The following CHTF8 variants were observed in gnomAD, a reference collection of about 807,000 sequenced individuals.
CHTF8 encodes the protein chromosome transmission fidelity factor 8, also known as chromosome transmission fidelity protein 8 homolog.
CHTF8 carries 6 observed loss-of-function variants against 11.0 expected under a neutral mutation model. The observed-to-expected ratio is 0.55, with a 90% confidence interval of 0.30 to 1.08. The LOEUF is 1.08. Ranked by LOEUF, CHTF8 falls within the 50% of genes least tolerant of loss-of-function variation. The pLI is 0.07. For synonymous variants in CHTF8, 53 were observed against 60.5 expected (o/e 0.88, Z 0.57); for missense variants, 140 against 153.1 (o/e 0.91, Z 0.45).
chr16:69,127,130 C>T (rs1358738830), intron 1 of CHTF8, among the ~76,000 whole-genome samples: 4 of 151,342 alleles, frequency 2.6e-5, no homozygotes, highest in African/African-American at 9.7e-5. Context: ...CCCAGCTACT[C>T]GGGAGGCTGA....
At chr16:69,131,626 A>C in intron 1 of CHTF8, among the ~76,000 whole-genome samples, 2 of 124,684 alleles carry the variant, frequency 1.6e-5, no homozygotes, top group Admixed American at 8.5e-5. Context: ...CCCCCCTCCA[A>C]ATTACAAGCT....
At chr16:69,124,794 C>G (rs532166632) in intron 1 of CHTF8, among the ~76,000 whole-genome samples, 20 of 152,298 alleles carry the variant, frequency 1.3e-4, no homozygotes, top group African/African-American at 4.3e-4. Flanking sequence ...AGACACTGTG[C>G]AAGCTTGAGA....
At chr16:69,126,058 GCA>G (rs1250706913) in intron 1 of CHTF8, among the ~76,000 whole-genome samples, 1 of 152,192 alleles carries the variant, frequency 6.6e-6, no homozygotes, top group East Asian at 1.9e-4. Context: ...GCTCAATAAT[GCA>G]CACAGAGAAG....
chr16:69,127,601 C>CCTTTT (rs1170530279), intron 1 of CHTF8, among the ~76,000 whole-genome samples: 6 of 104,392 alleles, frequency 5.7e-5, no homozygotes, highest in African/African-American at 1.9e-4. Flanking sequence ...CTCCCGGCAA[C>CCTTTT]TTTTTTTTTT....
rs374545080 is a variant in CHTF8 at position 69,125,328 on chromosome 16, A to G, written c.-35-3835T>C. On this transcript the variant is annotated intron_variant, in intron 1 of 3. Coordinates refer to ENST00000448552, the MANE Select transcript of CHTF8 (RefSeq NM_001039690.5). Reference sequence around the variant, plus strand: ...ATTCAACCATCATCACAAGTCTATGATATAGGTATTTATTCCTATTTTGCA... The same window carrying G: ...ATTCAACCATCATCACAAGTCTATGGTATAGGTATTTATTCCTATTTTGCA... 1.1e-3 allele frequency among the ~76,000 whole-genome samples: 167 copies of G among 152,326 alleles called. 4 individuals are homozygous for G. In the South Asian group the frequency reaches 0.03, roughly 28 times the overall value.
Position 69,118,287 on chromosome 16 carries a change from C to A in CHTF8, c.*2138G>T. On this transcript the variant is annotated 3_prime_UTR_variant, in exon 4 of 4. Transcript: ENST00000448552. ...GAAGGGAGCTGCAGGCCCAGTCAGTCAAGCAGAAACTGCATTCGGTGGGTC... is the reference window on the plus strand; with the variant it reads ...GAAGGGAGCTGCAGGCCCAGTCAGTAAAGCAGAAACTGCATTCGGTGGGTC... 1 of 1,015,398 alleles carries A rather than the reference C, an allele frequency of 9.8e-7. No homozygotes were observed. The highest frequency in any genetic ancestry group is 1.6e-6 in the Non-Finnish European group (1 of 638,934). The allele number at this position is 1,015,398 out of a possible 1,614,324, so 62.9% of individuals were successfully genotyped here.
intron 1 of CHTF8, among the ~76,000 whole-genome samples, chr16:69,125,231 A>G (rs1567592050): frequency 6.6e-6 from 1 of 152,194 alleles, no homozygotes; most frequent in Non-Finnish European, 1.5e-5. Context: ...AAATTCAAAT[A>G]TAAGTAGCAG....
At chr16:69,129,798 T>A (rs931685162) in intron 1 of CHTF8, among the ~76,000 whole-genome samples, 2 of 152,210 alleles carry the variant, frequency 1.3e-5, no homozygotes, top group African/African-American at 4.8e-5. Context: ...ACAGCATCTC[T>A]TACAAAATGG....
At position 69,119,762 on chromosome 16, in the gene CHTF8, C is replaced by T. The variant is rs760912652; in HGVS notation, c.*663G>A. 21 of 696,678 alleles carry T rather than the reference C, an allele frequency of 3.0e-5. No individual in the cohort carries two copies. The highest frequency in any genetic ancestry group is 2.2e-4 in the Admixed American group (11 of 49,854). The allele number at this position is 696,678 out of a possible 1,614,324, so 43.2% of individuals were successfully genotyped here. A position where few individuals can be genotyped will look rare whatever the true frequency, so the allele number is the denominator to read the frequency against. On this transcript the variant is annotated 3_prime_UTR_variant, in exon 4 of 4. Coordinates refer to ENST00000448552, the MANE Select transcript of CHTF8 (RefSeq NM_001039690.5). Reference sequence around the variant, plus strand: ...CCTGGAAACACACCTGACCTGGGGGCAGGGTTTGTCCCTAAAAAGCCTGAT... The same window carrying T: ...CCTGGAAACACACCTGACCTGGGGGTAGGGTTTGTCCCTAAAAAGCCTGAT...
intron 1 of CHTF8, among the ~76,000 whole-genome samples, chr16:69,128,431 A>G (rs932662721): frequency 6.6e-6 from 1 of 152,224 alleles, no homozygotes; most frequent in African/African-American, 2.4e-5. Flanking sequence ...AAGAAGGTAT[A>G]AAGAAAACCA....
At position 69,119,770 on chromosome 16, in the gene CHTF8, G is replaced by T. The variant is rs1351932714; in HGVS notation, c.*655C>A. The T allele has an allele frequency of 1.4e-6, 1 of 698,782 alleles. No individual in the cohort carries two copies. The highest frequency in any genetic ancestry group is 2.6e-6 in the Non-Finnish European group (1 of 382,752). The allele number at this position is 698,782 out of a possible 1,614,324, so 43.3% of individuals were successfully genotyped here. A position where few individuals can be genotyped will look rare whatever the true frequency, so the allele number is the denominator to read the frequency against. On this transcript the variant is annotated 3_prime_UTR_variant, in exon 4 of 4. Transcript: ENST00000448552. Reference sequence around the variant, plus strand: ...CACACCTGACCTGGGGGCAGGGTTTGTCCCTAAAAAGCCTGATCTCAGATT... The same window carrying T: ...CACACCTGACCTGGGGGCAGGGTTTTTCCCTAAAAAGCCTGATCTCAGATT...
At chr16:69,126,584 C>T (rs572344442) in intron 1 of CHTF8, among the ~76,000 whole-genome samples, 1 of 152,186 alleles carries the variant, frequency 6.6e-6, no homozygotes, top group Non-Finnish European at 1.5e-5. Flanking sequence ...CTTGTCTTAT[C>T]CTAGAACTAT....
At position 69,119,464 on chromosome 16, in the gene CHTF8, C is replaced by T. The variant is rs946029965; in HGVS notation, c.*961G>A. On this transcript the variant is annotated 3_prime_UTR_variant, in exon 4 of 4. Transcript: ENST00000448552. Reference sequence around the variant, plus strand: ...ATTTGGCCCTGGAAGGCCAATTCCCCGAGAGCTAGGACCCGAGTTTGGGCC... The same window carrying T: ...ATTTGGCCCTGGAAGGCCAATTCCCTGAGAGCTAGGACCCGAGTTTGGGCC... 3.4e-5 allele frequency: 24 copies of T among 702,822 alleles called. No individual in the cohort carries two copies. The highest frequency in any genetic ancestry group is 1.8e-4 in the Admixed American group (9 of 49,998). The allele number at this position is 702,822 out of a possible 1,614,324, so 43.5% of individuals were successfully genotyped here.
At position 69,119,056 on chromosome 16, in the gene CHTF8, C is replaced by T. The variant is rs1483180104; in HGVS notation, c.*1369G>A. ...CCTTGTGAAAGGAGCTGGGTTGATACCCACAGGGCCAGCTGGAGAAGGGCC... is the reference window on the plus strand; with the variant it reads ...CCTTGTGAAAGGAGCTGGGTTGATATCCACAGGGCCAGCTGGAGAAGGGCC... On this transcript the variant is annotated 3_prime_UTR_variant, in exon 4 of 4. Transcript: ENST00000448552. 1.4e-6 allele frequency: 1 copy of T among 702,952 alleles called. No individual in the cohort carries two copies. Among genetic ancestry groups the T allele is most frequent in the Non-Finnish European group, 2.6e-6 (1 of 385,028 alleles). The allele number at this position is 702,952 out of a possible 1,614,324, so 43.5% of individuals were successfully genotyped here. A position where few individuals can be genotyped will look rare whatever the true frequency, so the allele number is the denominator to read the frequency against.
In CHTF8 at chr16:69,120,788, C is replaced by A; in HGVS notation, c.142-139G>T. Reference sequence around the variant, plus strand: ...GCTCTGCCATTGTTGAGCAGCCACACTGGACCACCCACCCATGTGCCCTTT... The same window carrying A: ...GCTCTGCCATTGTTGAGCAGCCACAATGGACCACCCACCCATGTGCCCTTT... On this transcript the variant is annotated intron_variant, in intron 3 of 3. Transcript: ENST00000448552. This position sits in a 1 kb window ranked among gnomAD's most constrained non-coding sequence, Gnocchi z 4.0. 1 of 765,310 alleles carries A rather than the reference C, an allele frequency of 1.3e-6. No individual in the cohort carries two copies. The highest frequency in any genetic ancestry group is 2.2e-6 in the Non-Finnish European group (1 of 454,374). 47.4% of individuals were successfully genotyped at this position (765,310 alleles called of 1,614,324 possible). A position where few individuals can be genotyped will look rare whatever the true frequency, so the allele number is the denominator to read the frequency against.
chr16:69,118,054 A>T lies in CHTF8; in HGVS notation c.*2371T>A, dbSNP rs1961285702. The T allele has an allele frequency of 2.2e-6, 1 of 455,254 alleles. No individual in the cohort carries two copies. Among genetic ancestry groups the T allele is most frequent in the Non-Finnish European group, 4.0e-6 (1 of 250,216 alleles). 28.2% of individuals were successfully genotyped at this position (455,254 alleles called of 1,614,324 possible). ...TAAAGAAACAGTAAGAAAAGATACA[A>T]TGCAGGAAAACCACCAACCATCCTT... On this transcript the variant is annotated 3_prime_UTR_variant, in exon 4 of 4. Transcript: ENST00000448552.
Position 69,119,816 on chromosome 16 carries a change from G to C in CHTF8, c.*609C>G, listed in dbSNP as rs1296336381. On this transcript the variant is annotated 3_prime_UTR_variant, in exon 4 of 4. Transcript: ENST00000448552. ...AGATTGGGGTTTGGTCCTGGGCCCA[G>C]GCCAACTGGCCTAGGATTGGGAGGA... The C allele has an allele frequency of 2.9e-6, 2 of 701,086 alleles. No individual in the cohort carries two copies. Among genetic ancestry groups the C allele is most frequent in the African/African-American group, 3.5e-5 (2 of 57,192 alleles). The allele number at this position is 701,086 out of a possible 1,614,324, so 43.4% of individuals were successfully genotyped here.
chr16:69,121,048 CT>C lies in CHTF8; in HGVS notation c.141+4del. 6.2e-7 allele frequency: 1 copy of C among 1,611,922 alleles called. No homozygotes were observed. The highest frequency in any genetic ancestry group is 8.5e-7 in the Non-Finnish European group (1 of 1,178,012). ...CATTAGGCAGGGAAAGAAAAGCCCC[CT>C]CACCTCAGTGGTGTAATGTAGGTCT... On this transcript the variant is annotated splice_donor_region_variant and intron_variant, in intron 3 of 3. Transcript: ENST00000448552.
chr16:69,118,721 A>C lies in CHTF8; in HGVS notation c.*1704T>G. ...GTCAAGAAAAACGCAAAGGAAAAAG[A>C]TGGCTCATTTGAACTTGAGCCCAAG... is the stretch of plus-strand genomic sequence containing the variant. On this transcript the variant is annotated 3_prime_UTR_variant, in exon 4 of 4. Transcript: ENST00000448552. 1 of 644,922 alleles carries C rather than the reference A, an allele frequency of 1.6e-6. No homozygotes were observed. Among genetic ancestry groups the C allele is most frequent in the Non-Finnish European group, 2.8e-6 (1 of 359,354 alleles). 39.9% of individuals were successfully genotyped at this position (644,922 alleles called of 1,614,324 possible).
Sources: gnomAD v4.1 joint callset for allele counts (sites outside exome capture counted in the v4.1 genomes callset) on GRCh38, gnomAD v4.1.1 for gene constraint, Gnocchi (gnomAD v3.1) non-coding constraint, MANE v1.5 for transcripts, NCBI Gene and HGNC (gene_info 2026-07-23, HGNC 2026-07-21) for gene names.